PDZD2: variants seen among roughly 807,000 people sequenced by gnomAD.
The protein encoded by PDZD2 is PDZ domain-containing protein 2.
Under a neutral mutation model 220.7 loss-of-function variants are expected in PDZD2, and 90 were observed. That is an observed-to-expected ratio of 0.41 (90% CI 0.34 to 0.49). The LOEUF is 0.49. PDZD2 is among the 20% of genes least tolerant of loss of function. The pLI is 0.28. For missense variants in PDZD2, 3,174 were observed against 3,608.5 expected (o/e 0.88, Z 3.08); for synonymous variants, 1,375 against 1,450.5 (o/e 0.95, Z 1.18).
chr5:32,051,235 T>C (rs1375117914), intron 8 of PDZD2, among the ~76,000 whole-genome samples: 4 of 152,138 alleles, frequency 2.6e-5, no homozygotes, highest in African/African-American at 9.7e-5. Flanking sequence ...ACCCAGGCGA[T>C]GTTTGGCCAT....
intron 2 of PDZD2, among the ~76,000 whole-genome samples, chr5:31,937,108 A>G (rs937276287): frequency 6.6e-6 from 1 of 152,206 alleles, no homozygotes; most frequent in East Asian, 1.9e-4. Context: ...GCCGAGTCTC[A>G]GGGTGTTCCT....
chr5:31,748,733 T>C (rs1750749477), intron 1 of PDZD2, among the ~76,000 whole-genome samples: 1 of 152,218 alleles, frequency 6.6e-6, no homozygotes, highest in South Asian at 2.1e-4. Flanking sequence ...ATCACACGCT[T>C]GGTTGGGGTG....
chr5:31,687,024 T>C (rs1248253171), intron 1 of PDZD2, among the ~76,000 whole-genome samples: 1 of 152,126 alleles, frequency 6.6e-6, no homozygotes. Context: ...GAGGCTGTTA[T>C]AGACACCAGA....
rs1455740990 is a variant in PDZD2 at position 32,101,200 on chromosome 5, A to G, written c.8314A>G (p.Thr2772Ala). ...LSLDGGKSSV[T>A]GDGPLVIKRV... Reference sequence around the variant, plus strand: ...TCTGGATGGGGGAAAATCATCGGTGACGGGAGATGGGCCCTTGGTCATTAA... The same window carrying G: ...TCTGGATGGGGGAAAATCATCGGTGGCGGGAGATGGGCCCTTGGTCATTAA... The change falls in exon 24 of 25, where the codon ACG becomes GCG. Residue 2772 changes from threonine to alanine, a missense_variant. Transcript: ENST00000438447. 1 of 1,613,970 alleles carries G rather than the reference A, an allele frequency of 6.2e-7. No individual in the cohort carries two copies. Among genetic ancestry groups the G allele is most frequent in the East Asian group, 2.2e-5 (1 of 44,896 alleles).
At chr5:31,675,206 C>A (rs1746360548) in intron 1 of PDZD2, among the ~76,000 whole-genome samples, 1 of 152,188 alleles carries the variant, frequency 6.6e-6, no homozygotes, top group African/African-American at 2.4e-5. Flanking sequence ...TTTCTGGGCA[C>A]TTTTGCTCTC....
intron 1 of PDZD2, among the ~76,000 whole-genome samples, chr5:31,736,536 A>T (rs1233920295): frequency 6.6e-6 from 1 of 152,242 alleles, no homozygotes; most frequent in Non-Finnish European, 1.5e-5. Flanking sequence ...TTAGATCTTA[A>T]AACTGTTTAT....
chr5:31,800,900 T>C (rs1261295732), intron 2 of PDZD2, among the ~76,000 whole-genome samples: 2 of 152,162 alleles, frequency 1.3e-5, no homozygotes, highest in Admixed American at 6.5e-5. Context: ...TGGAGACAGC[T>C]CACCCAAGGA....
chr5:31,749,057 T>A (rs902084575), intron 1 of PDZD2, among the ~76,000 whole-genome samples: 2 of 151,236 alleles, frequency 1.3e-5, no homozygotes, highest in African/African-American at 4.9e-5. Flanking sequence ...GCTAGCAAGA[T>A]CAAAGAACTT....
intron 5 of PDZD2, among the ~76,000 whole-genome samples, chr5:32,002,287 C>G (rs551421847): frequency 6.6e-6 from 1 of 152,200 alleles, no homozygotes; most frequent in East Asian, 1.9e-4. Context: ...GGCGTTGAGA[C>G]CACTGTCCAT....
chr5:31,705,425 G>A (rs1357885815), intron 1 of PDZD2, among the ~76,000 whole-genome samples: 1 of 152,128 alleles, frequency 6.6e-6, no homozygotes, highest in Non-Finnish European at 1.5e-5. Flanking sequence ...CCTAGAAAGA[G>A]ATAGAATTTG....
At chr5:32,017,206 G>A (rs1753852559) in intron 6 of PDZD2, among the ~76,000 whole-genome samples, 1 of 152,224 alleles carries the variant, frequency 6.6e-6, no homozygotes, top group Admixed American at 6.5e-5. Flanking sequence ...GAAGGCCTAG[G>A]CAGGAGGATC....
intron 6 of PDZD2, among the ~76,000 whole-genome samples, chr5:32,032,466 C>T (rs1257039148): frequency 6.6e-6 from 1 of 152,184 alleles, no homozygotes; most frequent in Admixed American, 6.5e-5. Flanking sequence ...TTCCAGAGGT[C>T]CTCTTCTGGC....
chr5:31,834,992 T>C (rs1019345473), intron 2 of PDZD2, among the ~76,000 whole-genome samples: 6 of 151,906 alleles, frequency 3.9e-5, no homozygotes, highest in African/African-American at 1.4e-4. Flanking sequence ...AAATAAGGAG[T>C]GATCAAAAAG....
At chr5:31,849,741 G>A (rs572034668) in intron 2 of PDZD2, among the ~76,000 whole-genome samples, 1 of 151,230 alleles carries the variant, frequency 6.6e-6, no homozygotes, top group Admixed American at 6.6e-5. Flanking sequence ...CTACTATGGA[G>A]GCTGAGGCAG....
At chr5:32,003,021 T>C (rs1162800129) in intron 5 of PDZD2, among the ~76,000 whole-genome samples, 10 of 70,934 alleles carry the variant, frequency 1.4e-4, no homozygotes, top group Admixed American at 1.7e-4. Context: ...ACACACCACA[T>C]ACCACATGCA....
intron 2 of PDZD2, among the ~76,000 whole-genome samples, chr5:31,965,676 C>T (rs1292371300): frequency 1.3e-5 from 2 of 152,158 alleles, no homozygotes; most frequent in African/African-American, 4.8e-5. Context: ...ACGTGGATCA[C>T]CTGAGGTCAG....
At chr5:31,722,077 C>T (rs1748840952) in intron 1 of PDZD2, among the ~76,000 whole-genome samples, 1 of 152,148 alleles carries the variant, frequency 6.6e-6, no homozygotes, top group Non-Finnish European at 1.5e-5. Flanking sequence ...GCTTCCATCC[C>T]CAAGCAAGGC....
chr5:31,874,760 TAAAA>T (rs11390710), intron 2 of PDZD2, among the ~76,000 whole-genome samples: 3 of 139,208 alleles, frequency 2.2e-5, no homozygotes, highest in Non-Finnish European at 4.6e-5. Flanking sequence ...GACTCTATCT[TAAAA>T]AAAAAAAAAA....
intron 7 of PDZD2, among the ~76,000 whole-genome samples, chr5:32,042,650 T>C (rs2112260356): frequency 6.6e-6 from 1 of 152,292 alleles, no homozygotes; most frequent in South Asian, 2.1e-4. Context: ...TTAGGCGGTG[T>C]TACGCTTGAA....
Sources: gnomAD v4.1 joint callset for allele counts (sites outside exome capture counted in the v4.1 genomes callset) on GRCh38, gnomAD v4.1.1 for gene constraint, MANE v1.5 for transcripts, NCBI Gene and HGNC (gene_info 2026-07-23, HGNC 2026-07-21) for gene names.